The following SCOC variants were observed in gnomAD, a reference collection of about 807,000 sequenced individuals.
SCOC encodes short coiled coil protein.
A neutral mutation model predicts 9.9 loss-of-function variants in SCOC; 7 were observed. The observed-to-expected ratio is 0.71, with a 90% CI of 0.40 to 1.33. SCOC has a LOEUF of 1.33. Ranked by LOEUF, SCOC falls within the 40% of genes most tolerant of loss-of-function variation. SCOC has a pLI of 0.01. For synonymous variants in SCOC, 19 were observed against 28.2 expected (o/e 0.67, Z 1.03); for missense variants, 66 against 89.7 (o/e 0.74, Z 1.07).
intron 1 of SCOC, among the ~76,000 whole-genome samples, chr4:140,271,983 G>A (rs549784218): frequency 3.1e-4 from 47 of 152,008 alleles, no homozygotes; most frequent in African/African-American, 9.6e-4. Flanking sequence ...TTATGGCAGC[G>A]CAAGGTCGAC....
chr4:140,324,079 A>T (rs906568257), intron 1 of SCOC, among the ~76,000 whole-genome samples: 1 of 152,208 alleles, frequency 6.6e-6, no homozygotes, highest in African/African-American at 2.4e-5. Flanking sequence ...CATTTAAAAA[A>T]TCAATCAATG....
chr4:140,314,811 G>A (rs547856277), intron 1 of SCOC, among the ~76,000 whole-genome samples: 1 of 152,196 alleles, frequency 6.6e-6, no homozygotes, highest in African/African-American at 2.4e-5. Context: ...AGATGTCCAG[G>A]GCCAGGGGTG....
At chr4:140,333,989 C>A (rs1006407916) in intron 1 of SCOC, among the ~76,000 whole-genome samples, 5 of 152,138 alleles carry the variant, frequency 3.3e-5, no homozygotes, top group Admixed American at 1.3e-4. Flanking sequence ...GTGATCATAG[C>A]TCACTGCAGC....
chr4:140,326,584 G>A (rs775293066), intron 1 of SCOC, among the ~76,000 whole-genome samples: 4 of 152,098 alleles, frequency 2.6e-5, no homozygotes, highest in Non-Finnish European at 4.4e-5. Flanking sequence ...GCCTGTGTTT[G>A]TCTCCCTCTG....
At chr4:140,339,483 C>T (rs1454056806), upstream of SCOC, among the ~76,000 whole-genome samples, 1 of 152,136 alleles carries the variant, frequency 6.6e-6, no homozygotes, top group Non-Finnish European at 1.5e-5. Flanking sequence ...TTCTGCACAG[C>T]AAAAGAAACT....
rs555361419 is a variant in SCOC at position 140,382,793 on chromosome 4, G to A, written c.*1689G>A. The A allele has an allele frequency of 2.0e-5, 3 of 152,302 alleles. No homozygotes were observed. The East Asian group carries it at 5.8e-4, about 29-fold the overall frequency. The allele number at this position is 152,302 out of a possible 1,614,324, so 9.4% of individuals were successfully genotyped here. A position where few individuals can be genotyped will look rare whatever the true frequency, so the allele number is the denominator to read the frequency against. ...CACTCAAAGGATCCAGTATCTCCAG[G>A]GAAAAAGGAAGTTGTATTTTTTAGG... On this transcript the variant is annotated 3_prime_UTR_variant, in exon 4 of 4. Coordinates refer to ENST00000608372, the MANE Select transcript of SCOC (RefSeq NM_001153484.2).
At chr4:140,312,930 CAG>C (rs1205059898) in intron 1 of SCOC, among the ~76,000 whole-genome samples, 3 of 152,100 alleles carry the variant, frequency 2.0e-5, no homozygotes, top group Admixed American at 2.0e-4. Context: ...CCTATCAAGA[CAG>C]AAATTAATTT....
chr4:140,287,487 C>A (rs781361283), intron 1 of SCOC, among the ~76,000 whole-genome samples: 1 of 151,970 alleles, frequency 6.6e-6, no homozygotes, highest in Admixed American at 6.5e-5. Flanking sequence ...GCACATGCCA[C>A]ATAGACCATG....
At chr4:140,374,452 C>T (rs1728242410) in intron 1 of SCOC, 1 of 261,302 alleles carries the variant, frequency 3.8e-6, no homozygotes, top group African/African-American at 2.4e-5. Flanking sequence ...TACCTCTATT[C>T]CTGATTAAAA....
chr4:140,325,479 A>G (rs1036419442), intron 1 of SCOC, among the ~76,000 whole-genome samples: 2 of 152,212 alleles, frequency 1.3e-5, no homozygotes, highest in Non-Finnish European at 2.9e-5. Context: ...ATATAATGAC[A>G]TGTTAAAACT....
At chr4:140,278,593 A>G (rs1731035665) in intron 1 of SCOC, among the ~76,000 whole-genome samples, 1 of 152,048 alleles carries the variant, frequency 6.6e-6, no homozygotes, top group African/African-American at 2.4e-5. Flanking sequence ...CCTTTTTTAT[A>G]AGGGCATTCA....
At chr4:140,286,190 A>AT (rs896364621) in intron 1 of SCOC, among the ~76,000 whole-genome samples, 3 of 118,490 alleles carry the variant, frequency 2.5e-5, no homozygotes, top group African/African-American at 1.3e-4. Context: ...TCACAAAATA[A>AT]AAAAAAAAAA....
intron 1 of SCOC, among the ~76,000 whole-genome samples, chr4:140,377,837 G>GT (rs1728405307): frequency 6.6e-6 from 1 of 152,120 alleles, no homozygotes; most frequent in Non-Finnish European, 1.5e-5. Flanking sequence ...GCTTTCTACT[G>GT]TTTAAGATAC....
At chr4:140,269,933 G>A (rs938901558) in intron 1 of SCOC, among the ~76,000 whole-genome samples, 6 of 152,006 alleles carry the variant, frequency 3.9e-5, no homozygotes, top group South Asian at 2.1e-4. Context: ...TAAAATTTTC[G>A]TAGAGACAGA....
chr4:140,319,506 A>G (rs2126479822), intron 1 of SCOC, among the ~76,000 whole-genome samples: 1 of 151,428 alleles, frequency 6.6e-6, no homozygotes, highest in East Asian at 1.9e-4. Flanking sequence ...TACAGAAAAG[A>G]AAAAAAAATA....
chr4:140,365,360 A>G (rs1727746600), intron 2 of SCOC, among the ~76,000 whole-genome samples: 1 of 152,180 alleles, frequency 6.6e-6, no homozygotes, highest in Non-Finnish European at 1.5e-5. Context: ...TTGACATTAG[A>G]CAATCTGGCA....
chr4:140,296,022 T>C (rs1291749691), intron 1 of SCOC, among the ~76,000 whole-genome samples: 1 of 150,980 alleles, frequency 6.6e-6, no homozygotes, highest in African/African-American at 2.4e-5. Context: ...GTCACAGACC[T>C]ATTTACTCAG....
intron 2 of SCOC, among the ~76,000 whole-genome samples, chr4:140,352,571 A>C (rs1355524887): frequency 3.9e-5 from 6 of 152,266 alleles, no homozygotes. Context: ...CTTTCTGCAG[A>C]GAAATCTTCA....
upstream of SCOC, among the ~76,000 whole-genome samples, chr4:140,340,134 GT>G (rs1461246459): frequency 6.6e-6 from 1 of 152,162 alleles, no homozygotes. Flanking sequence ...AAAATGATGA[GT>G]TCATGTCCTT....
Sources: allele counts gnomAD v4.1 joint callset (sites outside exome capture counted in the v4.1 genomes callset), GRCh38; gene constraint gnomAD v4.1.1; transcripts MANE v1.5; gene names NCBI Gene and HGNC (gene_info 2026-07-23, HGNC 2026-07-21).